Variants in GPBP1L1 observed in about 807,000 individuals in gnomAD.
The protein encoded by GPBP1L1 is vasculin-like protein 1.
GPBP1L1 carries 23 observed loss-of-function variants against 52.5 expected under a neutral mutation model. The ratio of observed to expected loss-of-function variants is 0.44; its 90% CI spans 0.32 to 0.62. The LOEUF is 0.62. Among genes scored for constraint, GPBP1L1 ranks in the 20% least tolerant of loss-of-function variants. The probability of loss-of-function intolerance (pLI) is 0.06; values close to 1 mark genes in which losing one functional copy is unlikely to be tolerated. For synonymous variants in GPBP1L1, 243 were observed against 203.1 expected, an observed-to-expected ratio of 1.20 and a Z score of -1.67; for missense variants, 596 against 579.3, an observed-to-expected ratio of 1.03 and a Z score of -0.30.
intron 2 of GPBP1L1, among the ~76,000 whole-genome samples, chr1:45,661,907 G>T (rs1228827959): frequency 6.6e-6 from 1 of 152,076 alleles, no homozygotes; most frequent in African/African-American, 2.4e-5. Flanking sequence ...GCCATGAGTG[G>T]TCAAAGAACC....
chr1:45,659,584 C>CA (rs1644923692), intron 3 of GPBP1L1, among the ~76,000 whole-genome samples: 2 of 152,164 alleles, frequency 1.3e-5, no homozygotes, highest in African/African-American at 4.8e-5. Context: ...TTTAAAACCA[C>CA]AGACACTTAT....
intron 7 of GPBP1L1, 28 bp from the exon 8 acceptor site, chr1:45,640,431 C>G: frequency 6.3e-7 from 1 of 1,576,596 alleles, no homozygotes; most frequent in Non-Finnish European, 8.7e-7. Flanking sequence ...GGAGAGACAA[C>G]AGAATGTCAA....
chr1:45,685,526 G>C (rs1022943979), intron 2 of GPBP1L1, 50 bp downstream of exon 2: 6 of 152,076 alleles, frequency 3.9e-5, no homozygotes, highest in Non-Finnish European at 8.8e-5. Flanking sequence ...CCACCGCACC[G>C]CACCCATTCT....
At chr1:45,645,540 C>T (rs981089393) in intron 6 of GPBP1L1, among the ~76,000 whole-genome samples, 8 of 152,076 alleles carry the variant, frequency 5.3e-5, no homozygotes, top group African/African-American at 1.9e-4. Context: ...TGGACATGTT[C>T]TCCCCATCTT....
intron 2 of GPBP1L1, among the ~76,000 whole-genome samples, chr1:45,680,904 T>C (rs1645204959): frequency 6.6e-6 from 1 of 151,706 alleles, no homozygotes; most frequent in Non-Finnish European, 1.5e-5. Context: ...GGGTAGAAAA[T>C]AGGGAAAAAA....
At chr1:45,674,939 T>C (rs1368938742) in intron 2 of GPBP1L1, among the ~76,000 whole-genome samples, 2 of 152,240 alleles carry the variant, frequency 1.3e-5, no homozygotes, top group African/African-American at 2.4e-5. Context: ...CTTGTCAATG[T>C]AATGGTTCTT....
At chr1:45,653,810 T>C (rs967800681) in intron 6 of GPBP1L1, among the ~76,000 whole-genome samples, 1 of 151,610 alleles carries the variant, frequency 6.6e-6, no homozygotes, top group Non-Finnish European at 1.5e-5. Context: ...GTGATTCTCC[T>C]GCCTCAGCCT....
At chr1:45,647,608 T>C (rs1644766844) in intron 6 of GPBP1L1, among the ~76,000 whole-genome samples, 1 of 152,180 alleles carries the variant, frequency 6.6e-6, no homozygotes, top group African/African-American at 2.4e-5. Context: ...CCTGTGTGTT[T>C]TTCAGCAGGC....
intron 2 of GPBP1L1, among the ~76,000 whole-genome samples, chr1:45,673,666 C>A (rs12041677): frequency 0.28 from 43,134 of 152,084 alleles, 6,256 homozygotes; most frequent in South Asian, 0.37. Context: ...TCAAGACCAA[C>A]CTGACCAATA....
At chr1:45,654,389 T>C (rs1452583889) in intron 6 of GPBP1L1, 154 bp downstream of exon 6, 1 of 718,834 alleles carries the variant, frequency 1.4e-6, no homozygotes, top group Non-Finnish European at 2.1e-6. Flanking sequence ...TTTCAAATAT[T>C]ATCAACTTAA....
intron 12 of GPBP1L1, among the ~76,000 whole-genome samples, chr1:45,628,808 C>T (rs138673266): frequency 0.026 from 3,892 of 152,220 alleles, 169 homozygotes; most frequent in African/African-American, 0.09. Flanking sequence ...GGATTACAGG[C>T]GCACACCACC....
intron 4 of GPBP1L1, chr1:45,658,801 C>T (rs751449378): frequency 2.5e-5 from 12 of 486,242 alleles, no homozygotes; most frequent in Admixed American, 3.8e-5. Flanking sequence ...ATTAGCAGGG[C>T]GTGGTGGTAC....
At chr1:45,659,385 G>A (rs928651171) in intron 3 of GPBP1L1, among the ~76,000 whole-genome samples, 2 of 152,126 alleles carry the variant, frequency 1.3e-5, no homozygotes, top group Admixed American at 1.3e-4. Flanking sequence ...TTTTGGAGAG[G>A]AAGGGTCTTG....
At chr1:45,674,510 C>T (rs1645115392) in intron 2 of GPBP1L1, among the ~76,000 whole-genome samples, 1 of 152,192 alleles carries the variant, frequency 6.6e-6, no homozygotes, top group East Asian at 1.9e-4. Context: ...TGGTCCCTAA[C>T]TTAGGACGAT....
chr1:45,633,435 T>C (rs1644555134), intron 10 of GPBP1L1, 54 bp downstream of exon 10: 9 of 1,573,886 alleles, frequency 5.7e-6, no homozygotes. Flanking sequence ...AGAAATCACG[T>C]ATGTATCAAA....
chr1:45,682,281 A>C (rs1338169161), intron 2 of GPBP1L1, among the ~76,000 whole-genome samples: 1 of 152,364 alleles, frequency 6.6e-6, no homozygotes, highest in South Asian at 2.1e-4. Context: ...TTTTAAACTT[A>C]AGCAGAAACA....
intron 2 of GPBP1L1, among the ~76,000 whole-genome samples, chr1:45,665,821 C>T (rs147237052): frequency 1.3e-5 from 2 of 150,446 alleles, no homozygotes; most frequent in South Asian, 2.1e-4. Context: ...CTGTTACTTT[C>T]GACTCTTCAA....
At chr1:45,647,642 A>C (rs1384743855) in intron 6 of GPBP1L1, among the ~76,000 whole-genome samples, 1 of 152,178 alleles carries the variant, frequency 6.6e-6, no homozygotes, top group African/African-American at 2.4e-5. Flanking sequence ...AGTTCCTCAA[A>C]GCCAGGTTCT....
intron 6 of GPBP1L1, 95 bp downstream of exon 6, chr1:45,654,448 C>T: frequency 8.4e-7 from 1 of 1,183,628 alleles, no homozygotes. Flanking sequence ...ATTCCTTTTT[C>T]TGTAATTTCT....
Sources: allele counts gnomAD v4.1 joint callset (sites outside exome capture counted in the v4.1 genomes callset), GRCh38; gene constraint gnomAD v4.1.1; transcripts MANE v1.5; gene names NCBI Gene and HGNC (gene_info 2026-07-23, HGNC 2026-07-21).